Variants in COL11A2 observed in about 807,000 individuals in gnomAD.
The protein encoded by COL11A2 is collagen alpha-2(XI) chain.
COL11A2 carries 116 observed loss-of-function variants against 273.4 expected under a neutral mutation model. That is an observed-to-expected ratio of 0.42 (90% CI 0.36 to 0.49). The LOEUF is 0.49. COL11A2 is among the 20% of genes least tolerant of loss of function. COL11A2 has a pLI of 0.00. For synonymous variants in COL11A2, 782 were observed against 864.2 expected (o/e 0.90, Z 1.67); for missense variants, 1,866 against 2,309.0 (o/e 0.81, Z 3.93).
Position 33,176,882 on chromosome 6 carries a change from C to A in COL11A2, c.2070+110G>T. 1 of 1,532,552 alleles carries A rather than the reference C, an allele frequency of 6.5e-7. No individual in the cohort carries two copies. The highest frequency in any genetic ancestry group is 8.9e-7 in the Non-Finnish European group (1 of 1,123,806). 94.9% of individuals were successfully genotyped at this position (1,532,552 alleles called of 1,614,324 possible). On this transcript the variant is annotated intron_variant, in intron 25 of 65. Transcript: ENST00000341947. The surrounding 1 kb of genome is among the most constrained non-coding windows in gnomAD (Gnocchi z 4.9). ...CCTAGTGAAGCCAACTGTCCATGGA[C>A]AAGCACCACCAGTGACCTTTCAGTG... is the stretch of plus-strand genomic sequence containing the variant.
chr6:33,184,888 C>T (rs970580178), intron 7 of COL11A2, 104 bp downstream of exon 7: 6 of 953,466 alleles, frequency 6.3e-6, no homozygotes. Flanking sequence ...GAAGAACCCT[C>T]CGGCCAGAGG....
chr6:33,180,134 GTGA>G (rs1771527713), intron 12 of COL11A2, 121 bp downstream of exon 12: 1 of 1,071,536 alleles, frequency 9.3e-7, no homozygotes, highest in South Asian at 1.3e-5. Flanking sequence ...TCCCTTTGGA[GTGA>G]TGATCTTTGA....
At chr6:33,193,444 T>A (rs1773511818), upstream of COL11A2, 1 of 115,482 alleles carries the variant, frequency 8.7e-6, no homozygotes, top group South Asian at 3.1e-4. Flanking sequence ...CGACAAAGCT[T>A]GCCTTGTGTC....
rs1769646639 is a variant in COL11A2 at position 33,169,057 on chromosome 6, C to T, written c.3799-49G>A. On this transcript the variant is annotated intron_variant, in intron 51 of 65. Coordinates refer to ENST00000341947, the MANE Select transcript of COL11A2 (RefSeq NM_080680.3). This position sits in a 1 kb window ranked among gnomAD's most constrained non-coding sequence, Gnocchi z 5.5. Reference sequence around the variant, plus strand: ...TCAGGGTCACAGCTCCCTAAGCCCACCCAGCACAGACGCCCACAGGCACAC... The same window carrying T: ...TCAGGGTCACAGCTCCCTAAGCCCATCCAGCACAGACGCCCACAGGCACAC... 6.4e-6 allele frequency: 10 copies of T among 1,551,808 alleles called. No individual in the cohort carries two copies. The highest frequency in any genetic ancestry group is 1.4e-5 in the African/African-American group (1 of 72,924).
chr6:33,180,949 C>G lies in COL11A2; in HGVS notation c.1221+15G>C. The G allele has an allele frequency of 3.1e-6, 5 of 1,613,796 alleles. No individual in the cohort carries two copies. Among genetic ancestry groups the G allele is most frequent in the Non-Finnish European group, 4.2e-6 (5 of 1,179,880 alleles). On this transcript the variant is annotated intron_variant, in intron 10 of 65. Transcript: ENST00000341947. The stretch of plus-strand genomic sequence containing the variant: ...TCTAAGAAAAGAATGGCCACCAGGT[C>G]ACTGCTAGACTTACCGCAGGGCCTT...
Position 33,172,439 on chromosome 6 carries a change from C to A in COL11A2, c.2899-61G>T, listed in dbSNP as rs939434536. The A allele has an allele frequency of 9.0e-6, 14 of 1,551,914 alleles. No individual in the cohort carries two copies. In the African/African-American group the frequency reaches 1.9e-4, roughly 21 times the overall value. On this transcript the variant is annotated intron_variant, in intron 39 of 65. Coordinates refer to ENST00000341947, the MANE Select transcript of COL11A2 (RefSeq NM_080680.3). ...GCTCCCAAATTAAACAGAGAGCTCT[C>A]CAGCCCCCCCTCAAATCTCCAACTA...
At position 33,181,312 on chromosome 6, in the gene COL11A2, C is replaced by A; in HGVS notation, c.1120-142G>T. ...TACCCGAAAGCCCCACAGCCCTCCC[C>A]TAAAACTCCCTCTTCACAAACCTTT... On this transcript the variant is annotated intron_variant, in intron 8 of 65. Transcript: ENST00000341947. 4.8e-6 allele frequency: 4 copies of A among 835,308 alleles called. No homozygotes were observed. The South Asian group carries it at 5.7e-5, about 12-fold the overall frequency. 51.7% of individuals were successfully genotyped at this position (835,308 alleles called of 1,614,324 possible). A position where few individuals can be genotyped will look rare whatever the true frequency, so the allele number is the denominator to read the frequency against.
intron 4 of COL11A2, 142 bp from the exon 5 acceptor site, chr6:33,186,960 C>T (rs890031150): frequency 1.6e-5 from 18 of 1,105,762 alleles, no homozygotes; most frequent in Non-Finnish European, 2.4e-5. Flanking sequence ...TATGCATAGC[C>T]CTTTTCAGTT....
intron 41 of COL11A2, 48 bp downstream of exon 41, chr6:33,172,002 C>T (rs1287046331): frequency 4.3e-6 from 7 of 1,609,300 alleles, no homozygotes; most frequent in Non-Finnish European, 5.9e-6. Flanking sequence ...CTTCCTCACC[C>T]ACCCCTTTCC....
Position 33,189,109 on chromosome 6 carries a change from G to A in COL11A2, c.312C>T (p.Tyr104=), listed in dbSNP as rs748372991. The A allele has an allele frequency of 1.1e-5, 17 of 1,614,056 alleles. No homozygotes were observed. The highest frequency in any genetic ancestry group is 4.0e-5 in the African/African-American group (3 of 74,932). Residue 104 remains tyrosine, a synonymous_variant, in exon 3 of 66, where the codon TAC becomes TAT. Coordinates refer to ENST00000341947, the MANE Select transcript of COL11A2 (RefSeq NM_080680.3). This position sits in a 1 kb window ranked among gnomAD's most constrained non-coding sequence, Gnocchi z 5.6. ...PGLQAPLLTL[Y]SAQGVRQLGL... is the part of the protein sequence containing the mutation. ...CCAGCTGTCGGACACCCTGGGCACT[G>A]TAGAGAGTCAGGAGGGGAGCTTGGA...
intron 39 of COL11A2, 52 bp from the exon 40 acceptor site, chr6:33,172,430 G>A (rs148053480): frequency 6.4e-7 from 1 of 1,556,316 alleles, no homozygotes; most frequent in African/African-American, 1.4e-5. Flanking sequence ...AAATTAAACA[G>A]AGAGCTCTCC....
Position 33,173,318 on chromosome 6 carries a change from T to G in COL11A2, c.2736+30A>C. On this transcript the variant is annotated intron_variant, in intron 37 of 65. Transcript: ENST00000341947. This position sits in a 1 kb window ranked among gnomAD's most constrained non-coding sequence, Gnocchi z 6.3. ...GGTTAAAGGGTCTGATGGAGCCCCC[T>G]GAGAATGGGTAGCCAGGAGCATCAC... The G allele has an allele frequency of 1.2e-6, 2 of 1,610,096 alleles. No homozygotes were observed. The highest frequency in any genetic ancestry group is 1.7e-6 in the Non-Finnish European group (2 of 1,179,458).
chr6:33,175,945 G>C (rs771733203), intron 29 of COL11A2, 71 bp downstream of exon 29: 65 of 1,557,490 alleles, frequency 4.2e-5, no homozygotes, highest in East Asian at 2.7e-4. Context: ...AGAATAAACC[G>C]GTGCTTGGCG....
At position 33,170,095 on chromosome 6, in the gene COL11A2, T is replaced by C; in HGVS notation, c.3588A>G (p.Pro1196=). Reference sequence around the variant, plus strand: ...TCCCAACACCTCCTGGGGGACCTTGTGGGCCCTGGAAGAGGAACAGAAATA... The same window carrying C: ...TCCCAACACCTCCTGGGGGACCTTGCGGGCCCTGGAAGAGGAACAGAAATA... ...GPAGPNGADG[P]QGPPGGVGNL... The change falls in exon 49 of 66, where the codon CCA becomes CCG. Residue 1196 remains proline, a synonymous_variant. Coordinates refer to ENST00000341947, the MANE Select transcript of COL11A2 (RefSeq NM_080680.3). This position sits in a 1 kb window ranked among gnomAD's most constrained non-coding sequence, Gnocchi z 4.3. 1 of 1,613,014 alleles carries C rather than the reference T, an allele frequency of 6.2e-7. No homozygotes were observed. The highest frequency in any genetic ancestry group is 1.1e-5 in the South Asian group (1 of 91,076).
At position 33,185,689 on chromosome 6, in the gene COL11A2, C is replaced by T. The variant is rs1772322522; in HGVS notation, c.876+12G>A. On this transcript the variant is annotated intron_variant, in intron 6 of 65. Transcript: ENST00000341947. ...GAGAAAGGGAAGAAATGAAGGGGTC[C>T]CTTGAGTTTACCTGATAATCAGGGG... 3.0e-6 allele frequency: 4 copies of T among 1,328,022 alleles called. No individual in the cohort carries two copies. The highest frequency in any genetic ancestry group is 4.1e-6 in the Non-Finnish European group (4 of 987,368). The allele number at this position is 1,328,022 out of a possible 1,614,324, so 82.3% of individuals were successfully genotyped here. A position where few individuals can be genotyped will look rare whatever the true frequency, so the allele number is the denominator to read the frequency against.
intron 8 of COL11A2, 86 bp downstream of exon 8, chr6:33,184,052 CACAGCCA>C: frequency 8.7e-7 from 1 of 1,148,030 alleles, no homozygotes; most frequent in South Asian, 1.2e-5. Flanking sequence ...GGAAATAGCT[CACAGCCA>C]ACAGCCAAGG....
chr6:33,177,612 G>A lies in COL11A2; in HGVS notation c.1917+50C>T. The A allele has an allele frequency of 2.5e-6, 4 of 1,608,940 alleles. No homozygotes were observed. The highest frequency in any genetic ancestry group is 3.4e-6 in the Non-Finnish European group (4 of 1,176,554). ...AATGGCGGCCAACAGGATGCTGGCA[G>A]GGACCTCGGGGGATAAGAATGGGGG... On this transcript the variant is annotated intron_variant, in intron 22 of 65. Coordinates refer to ENST00000341947, the MANE Select transcript of COL11A2 (RefSeq NM_080680.3). This position sits in a 1 kb window ranked among gnomAD's most constrained non-coding sequence, Gnocchi z 5.9.
chr6:33,174,426 G>T, intron 31 of COL11A2, 101 bp downstream of exon 31: 1 of 1,486,460 alleles, frequency 6.7e-7, no homozygotes, highest in Non-Finnish European at 9.2e-7. Context: ...TCCCTCTGGG[G>T]TCCCCCACTG....
chr6:33,179,431 C>CACACACAATTA lies in COL11A2; in HGVS notation c.1502_1503insTAATTGTGTGT (p.Leu501PhefsTer13), dbSNP rs1194445760. ...CCACCCGAGCACCCTGCTCACTCACCAAGGGTCCAGGGCGCCCTGTGTATC... is the reference window on the plus strand; with the variant it reads ...CCACCCGAGCACCCTGCTCACTCACCACACACAATTAAAGGGTCCAGGGCGCCCTGTGTATC... On this transcript the variant is annotated frameshift_variant and splice_region_variant, in exon 14 of 66. Transcript: ENST00000341947. LOFTEE classifies it high-confidence loss of function. This position sits in a 1 kb window ranked among gnomAD's most constrained non-coding sequence, Gnocchi z 6.4. 6.4e-7 allele frequency: 1 copy of CACACACAATTA among 1,570,076 alleles called. No homozygotes were observed. Among genetic ancestry groups the CACACACAATTA allele is most frequent in the East Asian group, 2.3e-5 (1 of 42,760 alleles).
Sources: gnomAD v4.1 joint callset for allele counts on GRCh38, gnomAD v4.1.1 for gene constraint, Gnocchi (gnomAD v3.1) non-coding constraint, MANE v1.5 for transcripts, NCBI Gene and HGNC (gene_info 2026-07-23, HGNC 2026-07-21) for gene names.